The following GNA14 variants were observed in gnomAD, a reference collection of about 807,000 sequenced individuals.
The protein encoded by GNA14 is guanine nucleotide-binding protein subunit alpha-14.
GNA14 carries 50 observed loss-of-function variants against 42.0 expected under a neutral mutation model. That is an observed-to-expected ratio of 1.19 (90% CI 0.95 to 1.51). The LOEUF is 1.51. Ranked by LOEUF, GNA14 falls within the 40% of genes most tolerant of loss-of-function variation. The pLI is 0.00. For synonymous variants in GNA14, 173 were observed against 163.1 expected (o/e 1.06, Z -0.46); for missense variants, 473 against 446.2 (o/e 1.06, Z -0.54).
chr9:77,517,843 A>G (rs1230039404), intron 2 of GNA14, among the ~76,000 whole-genome samples: 2 of 151,754 alleles, frequency 1.3e-5, no homozygotes, highest in Non-Finnish European at 2.9e-5. Context: ...GGGCTGAAGC[A>G]ATCCACCTGC....
intron 2 of GNA14, 54 bp downstream of exon 2, chr9:77,529,015 A>T (rs770918611): frequency 6.9e-7 from 1 of 1,444,908 alleles, no homozygotes; most frequent in Non-Finnish European, 9.7e-7. Context: ...TGTGCTAACC[A>T]GAGTGGGCAG....
intron 2 of GNA14, among the ~76,000 whole-genome samples, chr9:77,487,018 T>TAAA (rs35749481): frequency 4.2e-4 from 61 of 144,706 alleles, no homozygotes; most frequent in South Asian, 1.8e-3. Context: ...TTCAATTTGT[T>TAAA]AAAAAAAAAA....
intron 1 of GNA14, among the ~76,000 whole-genome samples, chr9:77,619,483 G>A (rs1282337998): frequency 6.6e-6 from 1 of 152,154 alleles, no homozygotes; most frequent in Non-Finnish European, 1.5e-5. Context: ...TTACAGGTAT[G>A]AGCCACCATG....
rs114130245 is a variant in GNA14 at position 77,543,790 on chromosome 9, C to T, written c.125-14537G>A. Among the ~76,000 whole-genome samples the T allele has an allele frequency of 4.2e-3, 632 of 152,214 alleles. 7 individuals are homozygous for T. The highest frequency in any genetic ancestry group is 0.014 in the African/African-American group (593 of 41,530). ...TTGAATGCCAGTGTTCTCTCTTCCA[C>T]GATGTATTTAAAGTGTGAATATCTA... On this transcript the variant is annotated intron_variant, in intron 1 of 6. Coordinates refer to ENST00000341700, the MANE Select transcript of GNA14 (RefSeq NM_004297.4).
chr9:77,579,432 A>C (rs564562583), intron 1 of GNA14, among the ~76,000 whole-genome samples: 1 of 152,228 alleles, frequency 6.6e-6, no homozygotes, highest in African/African-American at 2.4e-5. Context: ...GTCCGAGCTG[A>C]TACTGGTTCT....
chr9:77,530,246 C>T (rs1351068046), intron 1 of GNA14, among the ~76,000 whole-genome samples: 1 of 152,174 alleles, frequency 6.6e-6, no homozygotes, highest in Non-Finnish European at 1.5e-5. Flanking sequence ...CACCTTGGTG[C>T]TGTTCTCATG....
At chr9:77,479,105 T>C (rs1359148320) in intron 2 of GNA14, among the ~76,000 whole-genome samples, 1 of 152,178 alleles carries the variant, frequency 6.6e-6, no homozygotes, top group East Asian at 1.9e-4. Context: ...CCCATGCCTA[T>C]GTCCTGAATG....
At chr9:77,499,765 G>A (rs182319814) in intron 2 of GNA14, among the ~76,000 whole-genome samples, 7 of 152,146 alleles carry the variant, frequency 4.6e-5, no homozygotes, top group East Asian at 1.9e-4. Flanking sequence ...CAGGAGAATC[G>A]CTAGAACCTG....
chr9:77,442,323 G>C (rs559345167), intron 2 of GNA14, among the ~76,000 whole-genome samples: 11 of 152,336 alleles, frequency 7.2e-5, no homozygotes, highest in Admixed American at 5.2e-4. Context: ...AGTGAGCTGA[G>C]ATCACACAAT....
chr9:77,588,698 A>G (rs183123247), intron 1 of GNA14, among the ~76,000 whole-genome samples: 23 of 152,230 alleles, frequency 1.5e-4, no homozygotes, highest in African/African-American at 5.3e-4. Flanking sequence ...AAAAGTTGCT[A>G]ATCCCCCTTC....
At chr9:77,587,820 C>G (rs887369590) in intron 1 of GNA14, among the ~76,000 whole-genome samples, 32 of 152,184 alleles carry the variant, frequency 2.1e-4, no homozygotes, top group Non-Finnish European at 4.3e-4. Context: ...CACACAAGCA[C>G]ACGTATACAC....
chr9:77,471,664 G>A (rs935339296), intron 2 of GNA14, among the ~76,000 whole-genome samples: 1 of 152,088 alleles, frequency 6.6e-6, no homozygotes, highest in Non-Finnish European at 1.5e-5. Context: ...TATTCAGAAG[G>A]GTAGTTGAGA....
intron 2 of GNA14, among the ~76,000 whole-genome samples, chr9:77,482,620 A>G (rs1225336737): frequency 6.6e-6 from 1 of 152,152 alleles, no homozygotes; most frequent in Non-Finnish European, 1.5e-5. Context: ...AGATTGGGGA[A>G]GTTCTCCTGG....
At chr9:77,505,100 A>ACCCATAT (rs1184696386) in intron 2 of GNA14, among the ~76,000 whole-genome samples, 1 of 152,170 alleles carries the variant, frequency 6.6e-6, no homozygotes, top group Admixed American at 6.5e-5. Flanking sequence ...TGAATAAATA[A>ACCCATAT]CCCATATCTG....
At chr9:77,580,813 TGA>T (rs1455227771) in intron 1 of GNA14, among the ~76,000 whole-genome samples, 2 of 152,198 alleles carry the variant, frequency 1.3e-5, no homozygotes, top group Admixed American at 6.5e-5. Flanking sequence ...TTGCACCTGA[TGA>T]GAGAAGTCTG....
At chr9:77,428,432 A>G (rs555819104) in intron 5 of GNA14, among the ~76,000 whole-genome samples, 1 of 152,192 alleles carries the variant, frequency 6.6e-6, no homozygotes, top group South Asian at 2.1e-4. Flanking sequence ...GCCACCAAGG[A>G]TGAGAACCTA....
chr9:77,436,344 G>T (rs527985510), intron 2 of GNA14, among the ~76,000 whole-genome samples: 1 of 152,276 alleles, frequency 6.6e-6, no homozygotes, highest in Admixed American at 6.5e-5. Context: ...GTCCTCATTT[G>T]TAAAACGAGC....
intron 4 of GNA14, among the ~76,000 whole-genome samples, chr9:77,430,494 T>C (rs1028289415): frequency 6.6e-6 from 1 of 152,260 alleles, no homozygotes; most frequent in East Asian, 1.9e-4. Flanking sequence ...AGAGGGCTAC[T>C]ATTAAAATCA....
chr9:77,624,117 G>C (rs961938604), intron 1 of GNA14, among the ~76,000 whole-genome samples: 1 of 152,292 alleles, frequency 6.6e-6, no homozygotes. Context: ...GGTTTGAGTA[G>C]AGGGTTTCCC....
Sources: allele counts gnomAD v4.1 joint callset (sites outside exome capture counted in the v4.1 genomes callset), GRCh38; gene constraint gnomAD v4.1.1; transcripts MANE v1.5; gene names NCBI Gene and HGNC (gene_info 2026-07-23, HGNC 2026-07-21).